Variants in ACTN1 observed in about 807,000 individuals in gnomAD.
ACTN1 encodes the protein actinin alpha 1.
In ACTN1, 30 loss-of-function variants were observed where a neutral mutation model predicts 119.6. The observed-to-expected ratio is 0.25, with a 90% CI of 0.19 to 0.34. The LOEUF (loss-of-function observed/expected upper bound fraction) is 0.34, where lower values mean the gene tolerates loss of function less well. Ranked by LOEUF, ACTN1 falls within the 10% of genes least tolerant of loss-of-function variation. The pLI, the probability that ACTN1 is intolerant of heterozygous loss-of-function variation, is 1.00. For missense variants in ACTN1, 764 were observed against 1,223.4 expected (o/e 0.62, Z 5.60); for synonymous variants, 429 against 472.6 (o/e 0.91, Z 1.20).
chr14:68,958,322 C>T (rs1490611189), intron 1 of ACTN1, among the ~76,000 whole-genome samples: 1 of 152,146 alleles, frequency 6.6e-6, no homozygotes, highest in Non-Finnish European at 1.5e-5. Flanking sequence ...AGACAGACTA[C>T]TAGCAGGGGA....
At chr14:68,956,946 A>G (rs1456878651) in intron 1 of ACTN1, among the ~76,000 whole-genome samples, 2 of 152,032 alleles carry the variant, frequency 1.3e-5, no homozygotes, top group Admixed American at 6.6e-5. Context: ...CATGGCCACA[A>G]GCTGGAGGCA....
chr14:68,875,534 G>A (rs1163306372), intron 21 of ACTN1, among the ~76,000 whole-genome samples: 1 of 152,220 alleles, frequency 6.6e-6, no homozygotes. Context: ...GCAGAAATGC[G>A]GGCCTTGCCC....
chr14:68,899,531 TCA>T (rs1450816278), intron 8 of ACTN1, among the ~76,000 whole-genome samples: 1 of 145,484 alleles, frequency 6.9e-6, no homozygotes, highest in Non-Finnish European at 1.5e-5. Context: ...CACACACACC[TCA>T]CACACACCCC....
At chr14:68,962,417 G>A (rs879314229) in intron 1 of ACTN1, among the ~76,000 whole-genome samples, 2 of 152,238 alleles carry the variant, frequency 1.3e-5, no homozygotes, top group Middle Eastern at 3.4e-3. Context: ...CTCCACAGCC[G>A]CCTTCCCAGG....
At chr14:68,899,849 G>A (rs1033747301) in intron 8 of ACTN1, among the ~76,000 whole-genome samples, 38 of 152,186 alleles carry the variant, frequency 2.5e-4, no homozygotes, top group African/African-American at 8.7e-4. Flanking sequence ...GCCTGACCAC[G>A]GACACGGGCA....
At chr14:68,912,081 A>C in intron 4 of ACTN1, 75 bp downstream of exon 4, 1 of 1,380,844 alleles carries the variant, frequency 7.2e-7, no homozygotes, top group African/African-American at 1.4e-5. Flanking sequence ...TGCCCTGGGT[A>C]TGGGAGTTCT....
At chr14:68,957,315 C>A (rs1480859523) in intron 1 of ACTN1, among the ~76,000 whole-genome samples, 1 of 152,196 alleles carries the variant, frequency 6.6e-6, no homozygotes, top group Non-Finnish European at 1.5e-5. Flanking sequence ...CAAGAGACAC[C>A]TGTGACCTCC....
chr14:68,882,910 G>A lies in ACTN1; in HGVS notation c.1781C>T (p.Thr594Ile), dbSNP rs1467792148. Reference sequence around the variant, plus strand: ...GCCATTGATCTCCTGAGGCGTGATGGTTGTGTAGGGGTTGGTGCCCGCCAT... The same window carrying A: ...GCCATTGATCTCCTGAGGCGTGATGATTGTGTAGGGGTTGGTGCCCGCCAT... ...VNMAGTNPYTTITPQEINGKW... is the reference protein window; with the variant it reads ...VNMAGTNPYTIITPQEINGKW... The change falls in exon 15 of 22, where the codon ACC becomes ATC. Residue 594 changes from threonine to isoleucine, a missense_variant. Thr to Ile is a moderately conservative substitution (Grantham distance 89). Transcript: ENST00000394419. The surrounding 1 kb of genome is among the most constrained non-coding windows in gnomAD (Gnocchi z 4.5). 7 of 1,614,146 alleles carry A rather than the reference G, an allele frequency of 4.3e-6. No individual in the cohort carries two copies. The highest frequency in any genetic ancestry group is 5.1e-6 in the Non-Finnish European group (6 of 1,180,030).
At chr14:68,877,324 G>C (rs1305691474) in intron 20 of ACTN1, 84 bp from the exon 21 acceptor site, 18 of 1,544,548 alleles carry the variant, frequency 1.2e-5, no homozygotes, top group Non-Finnish European at 1.6e-5. Context: ...TGGGGGCTCA[G>C]AGCAGCCTAT....
At chr14:68,950,013 G>A (rs1349701274) in intron 1 of ACTN1, among the ~76,000 whole-genome samples, 5 of 152,160 alleles carry the variant, frequency 3.3e-5, no homozygotes, top group Admixed American at 2.0e-4. Context: ...TCAGAAGATG[G>A]GGCTGGGCGC....
At chr14:68,941,218 T>C (rs546339312) in intron 1 of ACTN1, among the ~76,000 whole-genome samples, 1 of 151,860 alleles carries the variant, frequency 6.6e-6, no homozygotes, top group South Asian at 2.1e-4. Flanking sequence ...GCAGAAAAAA[T>C]AGAAAAAAGA....
Position 68,906,991 on chromosome 14 carries a change from G to GT in ACTN1, c.595-2256_595-2255insA, listed in dbSNP as rs1025564536. On this transcript the variant is annotated intron_variant, in intron 6 of 21. Coordinates refer to ENST00000394419, the MANE Select transcript of ACTN1 (RefSeq NM_001130004.2). The stretch of plus-strand genomic sequence containing the variant: ...AATTACAATTAAAAAACAGAAGGGG[G>GT]GCTGGGCGCGGTGGCTCATGCCTGT... Among the ~76,000 whole-genome samples the GT allele has an allele frequency of 3.3e-5, 5 of 151,774 alleles. 1 individual carries two copies. Among genetic ancestry groups the GT allele is most frequent in the Admixed American group, 1.3e-4 (2 of 15,222 alleles).
chr14:68,884,146 G>A (rs545839258), intron 14 of ACTN1, 22 bp downstream of exon 14: 73 of 1,602,044 alleles, frequency 4.6e-5, no homozygotes, highest in East Asian at 2.9e-4. Context: ...GCCAGCCTCC[G>A]GGGAGTGGAG....
chr14:68,903,647 T>C (rs898500283), intron 7 of ACTN1, among the ~76,000 whole-genome samples: 1 of 152,044 alleles, frequency 6.6e-6, no homozygotes, highest in Non-Finnish European at 1.5e-5. Context: ...CACTGAGCAG[T>C]TGGGGCCAAG....
chr14:68,935,499 C>T (rs2035455224), intron 1 of ACTN1, among the ~76,000 whole-genome samples: 1 of 150,222 alleles, frequency 6.7e-6, no homozygotes, highest in African/African-American at 2.5e-5. Flanking sequence ...AATTCTCCTG[C>T]CTCAGCCTCC....
At chr14:68,952,598 C>T (rs1478163513) in intron 1 of ACTN1, among the ~76,000 whole-genome samples, 1 of 152,124 alleles carries the variant, frequency 6.6e-6, no homozygotes, top group African/African-American at 2.4e-5. Flanking sequence ...GGCATCCCGC[C>T]CACCCCCCAT....
At chr14:68,967,143 CCT>C (rs1000447850) in intron 1 of ACTN1, among the ~76,000 whole-genome samples, 3 of 152,192 alleles carry the variant, frequency 2.0e-5, no homozygotes, top group Non-Finnish European at 4.4e-5. Context: ...TTCCCTGGCC[CCT>C]GTCCTCCTTC....
rs2035058170 is a variant in ACTN1, at chr14:68,928,813, C to T, written c.106-3141G>A. Among the ~76,000 whole-genome samples the T allele has an allele frequency of 2.0e-5, 3 of 152,278 alleles. No homozygotes were observed. In the South Asian group the frequency reaches 6.2e-4, roughly 32 times the overall value. On this transcript the variant is annotated intron_variant, in intron 1 of 21. Coordinates refer to ENST00000394419, the MANE Select transcript of ACTN1 (RefSeq NM_001130004.2). ...ACTCCCACCCCACATCCTCTCCCTGCCCCCAGCCACCAAACTCTCCTGTCG... is the reference window on the plus strand; with the variant it reads ...ACTCCCACCCCACATCCTCTCCCTGTCCCCAGCCACCAAACTCTCCTGTCG...
intron 11 of ACTN1, 61 bp downstream of exon 11, chr14:68,890,078 C>T (rs894547664): frequency 4.8e-5 from 76 of 1,580,122 alleles, no homozygotes; most frequent in Admixed American, 1.9e-4. Context: ...TGGCTGCTGG[C>T]TGGGCTGAAG....
Sources: gnomAD v4.1 joint callset for allele counts (sites outside exome capture counted in the v4.1 genomes callset) on GRCh38, gnomAD v4.1.1 for gene constraint, Gnocchi (gnomAD v3.1) non-coding constraint, MANE v1.5 for transcripts, NCBI Gene and HGNC (gene_info 2026-07-23, HGNC 2026-07-21) for gene names.